The following FASTKD1 variants were observed in gnomAD, a reference collection of about 807,000 sequenced individuals.
The protein encoded by FASTKD1 is FAST kinase domain-containing protein 1, mitochondrial.
Under a neutral mutation model 90.9 loss-of-function variants are expected in FASTKD1, and 94 were observed. The observed-to-expected ratio is 1.03, with a 90% CI of 0.88 to 1.23. The LOEUF is 1.23. FASTKD1 is among the 50% of genes most tolerant of loss of function. The probability of loss-of-function intolerance (pLI) is 0.00; values close to 1 mark genes in which losing one functional copy is unlikely to be tolerated. For synonymous variants in FASTKD1, 319 were observed against 345.8 expected (o/e 0.92, Z 0.86); for missense variants, 945 against 993.5 (o/e 0.95, Z 0.66).
At chr2:169,561,713 T>A (rs972188488) in intron 4 of FASTKD1, among the ~76,000 whole-genome samples, 1 of 142,302 alleles carries the variant, frequency 7.0e-6, no homozygotes, top group African/African-American at 2.5e-5. Context: ...CTATTATAAA[T>A]TAATTATTAA....
chr2:169,551,879 T>G (rs1009198331), intron 7 of FASTKD1, among the ~76,000 whole-genome samples: 5 of 152,176 alleles, frequency 3.3e-5, no homozygotes, highest in Non-Finnish European at 7.3e-5. Context: ...TAGAGATAGT[T>G]AATCTTGGAG....
Position 169,571,989 on chromosome 2 carries a change from T to A in FASTKD1, c.41A>T (p.Asn14Ile). The change falls in exon 2 of 15, where the codon AAT becomes ATT. Residue 14 changes from asparagine to isoleucine, a missense_variant. By Grantham distance (149) the Asn-to-Ile change is moderately radical. Transcript: ENST00000453153. ...TPVFLESLVT[N>I]MLRLRAICPF... The stretch of plus-strand genomic sequence containing the variant: ...ACAAATAGCTCTTAGACGAAGCATA[T>A]TTGTAACCAATGACTCTAGGAAAAC... The A allele has an allele frequency of 6.2e-7, 1 of 1,605,968 alleles. No individual in the cohort carries two copies.
chr2:169,540,825 G>C (rs1022642896), intron 9 of FASTKD1, among the ~76,000 whole-genome samples: 1 of 152,168 alleles, frequency 6.6e-6, no homozygotes, highest in Non-Finnish European at 1.5e-5. Context: ...GGGAATCTCA[G>C]ATCTCCAAGC....
chr2:169,568,842 TACAA>T (rs1408544455), intron 3 of FASTKD1, among the ~76,000 whole-genome samples: 11 of 151,350 alleles, frequency 7.3e-5, no homozygotes, highest in African/African-American at 2.4e-4. Flanking sequence ...CTACTAAAAA[TACAA>T]ACAATTAGCC....
chr2:169,557,137 G>A (rs1199994729), intron 6 of FASTKD1, 50 bp downstream of exon 6: 2 of 1,174,292 alleles, frequency 1.7e-6, no homozygotes. Flanking sequence ...AAAAAAATAG[G>A]TGCTTGTGAA....
rs761801277 is a variant in FASTKD1 at position 169,529,154 on chromosome 2, C to T, written c.*671G>A. Among the ~76,000 whole-genome samples, 7 of 152,140 alleles carry T rather than the reference C, an allele frequency of 4.6e-5. No homozygotes were observed. The highest frequency in any genetic ancestry group is 7.3e-5 in the Non-Finnish European group (5 of 68,028). ...TTAGATGTTTAAAAGACATCACAAA[C>T]TCAACATATCTAAAACAAACTTGTG... On this transcript the variant is annotated 3_prime_UTR_variant, in exon 15 of 15. Coordinates refer to ENST00000453153, the MANE Select transcript of FASTKD1 (RefSeq NM_024622.6).
intron 2 of FASTKD1, among the ~76,000 whole-genome samples, chr2:169,569,780 G>A (rs1205715740): frequency 6.6e-6 from 1 of 152,126 alleles, no homozygotes; most frequent in Non-Finnish European, 1.5e-5. Flanking sequence ...GAACCCTGGA[G>A]GTAGAGGTTG....
chr2:169,563,267 G>T lies in FASTKD1; in HGVS notation c.530C>A (p.Ala177Asp), dbSNP rs556474521. 8.1e-6 allele frequency: 13 copies of T among 1,611,858 alleles called. No homozygotes were observed. The South Asian group carries it at 1.4e-4, about 18-fold the overall frequency. ...TTCCAAGTTCCTATGAACAATATCA[G>T]CTATTTTTCCCATTAATGGACTAAA... ...LYFSPLMGKI[A>D]DIVHRNLETT... is the part of the protein sequence containing the mutation. The change falls in exon 4 of 15, where the codon GCT becomes GAT. Residue 177 changes from alanine (A) to aspartate (D), a missense_variant. Physicochemically the swap from Ala to Asp is moderately radical, Grantham distance 126. Coordinates refer to ENST00000453153, the MANE Select transcript of FASTKD1 (RefSeq NM_024622.6).
In FASTKD1 at chr2:169,537,406, G is replaced by A. The variant is rs1333298466; in HGVS notation, c.2075-66C>T. The A allele has an allele frequency of 1.9e-5, 22 of 1,147,724 alleles. No individual in the cohort carries two copies. The Middle Eastern group carries it at 1.1e-3, about 57-fold the overall frequency. 71.1% of individuals were successfully genotyped at this position (1,147,724 alleles called of 1,614,324 possible). The stretch of plus-strand genomic sequence containing the variant: ...TTTCTTTTTTTTTTTCCTTTGAGAC[G>A]GAGTTTTCGCTCTTGTTGCCCAGGC... On this transcript the variant is annotated intron_variant, in intron 11 of 14. Transcript: ENST00000453153.
chr2:169,548,144 G>A (rs1404964417), intron 7 of FASTKD1, among the ~76,000 whole-genome samples: 3 of 151,854 alleles, frequency 2.0e-5, no homozygotes, highest in Non-Finnish European at 1.5e-5. Context: ...TAAAACCACA[G>A]TCCCAGGGAA....
At chr2:169,530,406 C>T (rs1449192877) in intron 14 of FASTKD1, among the ~76,000 whole-genome samples, 181 bp downstream of exon 14, 1 of 152,142 alleles carries the variant, frequency 6.6e-6, no homozygotes, top group East Asian at 1.9e-4. Context: ...TCAAGCAATC[C>T]TCCCACCTCA....
intron 12 of FASTKD1, 116 bp downstream of exon 12, chr2:169,537,105 TTAATAA>T (rs1006498361): frequency 1.7e-5 from 11 of 661,120 alleles, no homozygotes; most frequent in African/African-American, 9.3e-5. Flanking sequence ...TTTGAAAATT[TTAATAA>T]TAATAACAAC....
intron 7 of FASTKD1, among the ~76,000 whole-genome samples, chr2:169,550,388 T>C (rs1425299155): frequency 1.3e-5 from 2 of 152,190 alleles, no homozygotes; most frequent in Non-Finnish European, 2.9e-5. Flanking sequence ...AAAATACATA[T>C]ATGTAGTATA....
intron 12 of FASTKD1, among the ~76,000 whole-genome samples, chr2:169,536,073 G>A (rs1304279859): frequency 2.0e-5 from 3 of 151,562 alleles, no homozygotes; most frequent in African/African-American, 7.3e-5. Context: ...TTGAGCCCAG[G>A]AGTTTGAGAC....
In FASTKD1 at chr2:169,532,100, G is replaced by A. The variant is rs564794784; in HGVS notation, c.2189-610C>T. On this transcript the variant is annotated intron_variant, in intron 12 of 14. Transcript: ENST00000453153. ...TTGAATGAATCAGCTGACAACATAC[G>A]AACCCACTGATGAGTCTTAATGTAT... Among the ~76,000 whole-genome samples the A allele has an allele frequency of 3.9e-5, 6 of 152,202 alleles. No individual in the cohort carries two copies. The East Asian group carries it at 7.7e-4, about 20-fold the overall frequency.
intron 6 of FASTKD1, among the ~76,000 whole-genome samples, chr2:169,555,780 T>C (rs551656877): frequency 1.2e-3 from 177 of 152,236 alleles, no homozygotes; most frequent in African/African-American, 3.9e-3. Context: ...TATGTAAAAA[T>C]GTAAGTATAT....
At position 169,547,424 on chromosome 2, in the gene FASTKD1, G is replaced by C. The variant is rs116717927; in HGVS notation, c.1215-720C>G. The stretch of plus-strand genomic sequence containing the variant: ...TCTTAAGACCCACGATCAGAAAGGT[G>C]GAGGGAGATTAGAGTCCTGCTTTGG... On this transcript the variant is annotated intron_variant, in intron 7 of 14. Coordinates refer to ENST00000453153, the MANE Select transcript of FASTKD1 (RefSeq NM_024622.6). Among the ~76,000 whole-genome samples, 864 of 152,304 alleles carry C rather than the reference G, an allele frequency of 5.7e-3. 4 individuals are homozygous for C. Among genetic ancestry groups the C allele is most frequent in the Non-Finnish European group, 9.7e-3 (661 of 68,034 alleles).
intron 6 of FASTKD1, among the ~76,000 whole-genome samples, chr2:169,555,753 G>C (rs965566698): frequency 6.6e-6 from 1 of 152,138 alleles, no homozygotes; most frequent in African/African-American, 2.4e-5. Context: ...GAAAAATTAG[G>C]CATGTACAAT....
intron 12 of FASTKD1, among the ~76,000 whole-genome samples, chr2:169,533,934 G>A (rs1684605390): frequency 6.6e-6 from 1 of 151,998 alleles, no homozygotes; most frequent in Non-Finnish European, 1.5e-5. Flanking sequence ...ACTTTAGGAG[G>A]CAGAGGCAGG....
Sources: allele counts gnomAD v4.1 joint callset (sites outside exome capture counted in the v4.1 genomes callset), GRCh38; gene constraint gnomAD v4.1.1; transcripts MANE v1.5; gene names NCBI Gene and HGNC (gene_info 2026-07-23, HGNC 2026-07-21).